The following DLG2 variants were observed in gnomAD, a reference collection of about 807,000 sequenced individuals.
The protein encoded by DLG2 is discs large MAGUK scaffold protein 2, also known as disks large homolog 2.
A neutral mutation model predicts 132.5 loss-of-function variants in DLG2; 45 were observed. That is an observed-to-expected ratio of 0.34 (90% CI 0.27 to 0.44). The LOEUF (loss-of-function observed/expected upper bound fraction) is 0.44, where lower values mean the gene tolerates loss of function less well. Ranked by LOEUF, DLG2 falls within the 20% of genes least tolerant of loss-of-function variation. The pLI is 1.00. For missense variants in DLG2, 1,045 were observed against 1,196.9 expected (o/e 0.87, Z 1.87); for synonymous variants, 424 against 419.6 (o/e 1.01, Z -0.13).
At chr11:83,516,450 C>T (rs1250485185) in intron 21 of DLG2, among the ~76,000 whole-genome samples, 1 of 152,182 alleles carries the variant, frequency 6.6e-6, no homozygotes, top group Non-Finnish European at 1.5e-5. Context: ...CTGAATACAG[C>T]ACACTGGTGG....
intron 6 of DLG2, among the ~76,000 whole-genome samples, chr11:84,857,677 G>A (rs936158425): frequency 6.6e-6 from 1 of 151,902 alleles, no homozygotes; most frequent in Non-Finnish European, 1.5e-5. Context: ...TTCCCACTTT[G>A]CTATGTCTCC....
intron 6 of DLG2, among the ~76,000 whole-genome samples, chr11:84,841,542 CTAT>C (rs2080692167): frequency 6.6e-6 from 1 of 151,786 alleles, no homozygotes. Flanking sequence ...TTTTGTTTAC[CTAT>C]TTTTAGTTAT....
intron 3 of DLG2, among the ~76,000 whole-genome samples, chr11:85,564,223 C>T (rs1391224019): frequency 2.0e-5 from 3 of 151,894 alleles, no homozygotes; most frequent in East Asian, 1.9e-4. Flanking sequence ...TTTTCATTTT[C>T]TTGATGGTGT....
intron 3 of DLG2, among the ~76,000 whole-genome samples, chr11:85,515,023 G>A (rs1349040563): frequency 6.6e-6 from 1 of 151,932 alleles, no homozygotes; most frequent in African/African-American, 2.4e-5. Context: ...ATCTATATTT[G>A]TGAGTGATAA....
chr11:83,930,289 G>T (rs773652706), intron 15 of DLG2, 39 bp downstream of exon 15: 1 of 1,607,672 alleles, frequency 6.2e-7, no homozygotes, highest in African/African-American at 1.3e-5. Flanking sequence ...GGAAGCACAT[G>T]CAGTTCGAGA....
chr11:84,364,012 T>G (rs1261680120), intron 7 of DLG2, among the ~76,000 whole-genome samples: 1 of 152,196 alleles, frequency 6.6e-6, no homozygotes, highest in Non-Finnish European at 1.5e-5. Context: ...TGGTTCCATA[T>G]GAACTTTAAA....
At chr11:84,979,024 T>C (rs186964746) in intron 6 of DLG2, among the ~76,000 whole-genome samples, 1 of 151,992 alleles carries the variant, frequency 6.6e-6, no homozygotes, top group Non-Finnish European at 1.5e-5. Context: ...CTTCTCAAAA[T>C]AAGACATTTA....
At chr11:84,846,071 G>T (rs568064896) in intron 6 of DLG2, among the ~76,000 whole-genome samples, 203 of 151,882 alleles carry the variant, frequency 1.3e-3, no homozygotes, top group African/African-American at 4.0e-3. Context: ...AGTTTTCTAG[G>T]TTCAGTCCTA....
chr11:85,589,557 G>T (rs2079180941), intron 3 of DLG2, among the ~76,000 whole-genome samples: 1 of 152,130 alleles, frequency 6.6e-6, no homozygotes, highest in African/African-American at 2.4e-5. Flanking sequence ...GTGGGGGTGT[G>T]GGAGGGGTGG....
At chr11:83,698,195 T>C (rs540357557) in intron 18 of DLG2, among the ~76,000 whole-genome samples, 16 of 152,218 alleles carry the variant, frequency 1.1e-4, no homozygotes, top group Non-Finnish European at 2.2e-4. Context: ...ATAACAAGTA[T>C]GGTGACTATT....
chr11:84,207,221 T>C (rs1326658559), intron 8 of DLG2, among the ~76,000 whole-genome samples: 1 of 152,006 alleles, frequency 6.6e-6, no homozygotes, highest in African/African-American at 2.4e-5. Flanking sequence ...AAATTATTTT[T>C]AAGTTTACTT....
intron 6 of DLG2, among the ~76,000 whole-genome samples, chr11:85,090,675 C>T (rs2068619072): frequency 6.6e-6 from 1 of 152,120 alleles, no homozygotes; most frequent in East Asian, 1.9e-4. Flanking sequence ...TATTAGTCTA[C>T]ACATATATAG....
chr11:84,934,399 G>A (rs1298116375), intron 6 of DLG2, among the ~76,000 whole-genome samples: 1 of 151,682 alleles, frequency 6.6e-6, no homozygotes, highest in Middle Eastern at 3.2e-3. Flanking sequence ...GAATGAGTCA[G>A]GGAGGAGTCC....
chr11:84,906,930 T>C (rs1000846436), intron 6 of DLG2, among the ~76,000 whole-genome samples: 2 of 152,208 alleles, frequency 1.3e-5, no homozygotes, highest in Non-Finnish European at 2.9e-5. Flanking sequence ...GGTTTTATAA[T>C]CAATTTTCTG....
intron 3 of DLG2, among the ~76,000 whole-genome samples, chr11:85,351,474 TTCTTG>T (rs2083282463): frequency 6.6e-6 from 1 of 152,232 alleles, no homozygotes; most frequent in Non-Finnish European, 1.5e-5. Context: ...AGAGAGGGCA[TTCTTG>T]TCTTGTGCCA....
At chr11:84,977,369 G>A (rs1026493932) in intron 6 of DLG2, among the ~76,000 whole-genome samples, 5 of 152,076 alleles carry the variant, frequency 3.3e-5, no homozygotes, top group South Asian at 2.1e-4. Context: ...TCAAAGAGAC[G>A]GCAAGTCATC....
At chr11:83,940,128 G>A (rs571854062) in intron 14 of DLG2, among the ~76,000 whole-genome samples, 7 of 152,314 alleles carry the variant, frequency 4.6e-5, no homozygotes, top group Admixed American at 1.3e-4. Flanking sequence ...GATTGTTGTA[G>A]CACTGCCTTG....
intron 3 of DLG2, among the ~76,000 whole-genome samples, chr11:85,504,205 T>G (rs1209902720): frequency 2.0e-5 from 3 of 152,166 alleles, no homozygotes; most frequent in Non-Finnish European, 2.9e-5. Flanking sequence ...GTGCAGAAGC[T>G]CTTTAGTTTA....
At chr11:83,682,175 G>C (rs1255454916) in intron 18 of DLG2, 1 of 985,234 alleles carries the variant, frequency 1.0e-6, no homozygotes, top group African/African-American at 1.7e-5. Context: ...AAAATTATTG[G>C]AACAAAGCAG....
Sources: allele counts gnomAD v4.1 joint callset (sites outside exome capture counted in the v4.1 genomes callset), GRCh38; gene constraint gnomAD v4.1.1; transcripts MANE v1.5; gene names NCBI Gene and HGNC (gene_info 2026-07-23, HGNC 2026-07-21).